The following TMEM232 variants were observed in gnomAD, a reference collection of about 807,000 sequenced individuals.
TMEM232 encodes transmembrane protein 232.
In TMEM232, 80 loss-of-function variants were observed where a neutral mutation model predicts 78.8. That is an observed-to-expected ratio of 1.01 (90% confidence interval 0.85 to 1.22). The LOEUF (loss-of-function observed/expected upper bound fraction) is 1.22. TMEM232 is among the 50% of genes most tolerant of loss of function. The pLI is 0.00. For missense variants in TMEM232, 881 were observed against 742.2 expected (o/e 1.19, Z -2.17); for synonymous variants, 297 against 254.3 (o/e 1.17, Z -1.60).
At chr5:110,562,265 C>G (rs1409251858) in intron 11 of TMEM232, among the ~76,000 whole-genome samples, 1 of 152,088 alleles carries the variant, frequency 6.6e-6, no homozygotes, top group Non-Finnish European at 1.5e-5. Context: ...GTAATGCAAA[C>G]AAACCTTCCA....
At chr5:110,472,123 G>C (rs2149377036) in intron 12 of TMEM232, among the ~76,000 whole-genome samples, 1 of 151,994 alleles carries the variant, frequency 6.6e-6, no homozygotes, top group East Asian at 1.9e-4. Context: ...CTGATCTGCA[G>C]GAGATGTGAT....
chr5:110,412,678 C>A (rs1756043259), intron 2 of TMEM232, among the ~76,000 whole-genome samples: 1 of 151,932 alleles, frequency 6.6e-6, no homozygotes, highest in African/African-American at 2.4e-5. Context: ...TTTCAGACCC[C>A]TGACTTGGTT....
In TMEM232 at chr5:110,399,781, C is replaced by T. The variant is rs191907825; in HGVS notation, n.309-1927G>A. On this transcript the variant is annotated intron_variant and non_coding_transcript_variant, in intron 2 of 8. Transcript: ENST00000507188. ...GAAGTTCCTTTATGCAAGTTTAGAT[C>T]CAAGACAAATTCCCTGGTTGCCCTT... 1.3e-3 allele frequency among the ~76,000 whole-genome samples: 202 copies of T among 152,248 alleles called. 1 individual carries two copies. Among genetic ancestry groups the T allele is most frequent in the African/African-American group, 4.7e-3 (196 of 41,552 alleles).
At chr5:110,467,661 A>AAGAT (rs1281793984) in intron 12 of TMEM232, among the ~76,000 whole-genome samples, 1 of 152,250 alleles carries the variant, frequency 6.6e-6, no homozygotes, top group Non-Finnish European at 1.5e-5. Context: ...CTGAAAGTGA[A>AAGAT]AGATAAAAAT....
At chr5:110,545,526 A>G (rs1773664391) in intron 11 of TMEM232, among the ~76,000 whole-genome samples, 1 of 152,060 alleles carries the variant, frequency 6.6e-6, no homozygotes, top group African/African-American at 2.4e-5. Flanking sequence ...TTATCCAAAA[A>G]TACAGCTCAC....
At chr5:110,674,497 T>C (rs1791774028) in intron 1 of TMEM232, among the ~76,000 whole-genome samples, 1 of 152,226 alleles carries the variant, frequency 6.6e-6, no homozygotes, top group African/African-American at 2.4e-5. Context: ...AAGTATATTA[T>C]TTCTGAATAT....
intron 1 of TMEM232, among the ~76,000 whole-genome samples, chr5:110,679,124 T>C (rs1229316522): frequency 1.3e-5 from 2 of 152,146 alleles, no homozygotes; most frequent in Admixed American, 1.3e-4. Flanking sequence ...AAAGTGGCCA[T>C]ACCATGTTTT....
chr5:110,480,311 G>C (rs1763721172), intron 12 of TMEM232, among the ~76,000 whole-genome samples: 1 of 151,754 alleles, frequency 6.6e-6, no homozygotes, highest in Non-Finnish European at 1.5e-5. Flanking sequence ...TAGTTAAATG[G>C]TATATTTTCA....
intron 10 of TMEM232, among the ~76,000 whole-genome samples, 181 bp downstream of exon 10, chr5:110,604,928 C>A (rs1781356420): frequency 1.3e-5 from 2 of 152,080 alleles, no homozygotes; most frequent in African/African-American, 4.8e-5. Flanking sequence ...TGCACCGCAG[C>A]CTGGGTGACA....
intron 1 of TMEM232, among the ~76,000 whole-genome samples, chr5:110,695,856 C>G (rs1039717887): frequency 2.0e-5 from 3 of 152,104 alleles, no homozygotes; most frequent in East Asian, 1.9e-4. Context: ...GATTCACAGC[C>G]AAATTCTACC....
At chr5:110,677,900 G>T (rs774342685) in intron 1 of TMEM232, among the ~76,000 whole-genome samples, 1 of 152,124 alleles carries the variant, frequency 6.6e-6, no homozygotes, top group Non-Finnish European at 1.5e-5. Flanking sequence ...ACAGTGGAGA[G>T]ATACGTTAGT....
chr5:110,475,129 T>C (rs575165046), intron 12 of TMEM232, among the ~76,000 whole-genome samples: 44 of 152,082 alleles, frequency 2.9e-4, no homozygotes, highest in East Asian at 1.9e-3. Flanking sequence ...ATGGTATTAG[T>C]GTAAGGAAGT....
chr5:110,496,715 A>G (rs1765682835), intron 12 of TMEM232, among the ~76,000 whole-genome samples: 1 of 151,982 alleles, frequency 6.6e-6, no homozygotes, highest in Non-Finnish European at 1.5e-5. Flanking sequence ...GAAACAACAG[A>G]GTTAGGCTGA....
intron 13 of TMEM232, among the ~76,000 whole-genome samples, chr5:110,421,552 T>C (rs1756650661): frequency 1.3e-5 from 2 of 151,760 alleles, no homozygotes; most frequent in South Asian, 2.1e-4. Flanking sequence ...GTATGCAATA[T>C]TGGACATTCC....
At chr5:110,610,271 G>GAAGGA (rs1580352387) in intron 8 of TMEM232, among the ~76,000 whole-genome samples, 22 of 146,460 alleles carry the variant, frequency 1.5e-4, no homozygotes, top group African/African-American at 5.2e-4. Flanking sequence ...AGGGAGGAAG[G>GAAGGA]TGGGTGGGTG....
intron 12 of TMEM232, among the ~76,000 whole-genome samples, chr5:110,472,629 C>T (rs1039880647): frequency 8.6e-5 from 13 of 151,672 alleles, no homozygotes; most frequent in Admixed American, 6.6e-5. Flanking sequence ...ACCAAATAAA[C>T]ACAACAACAC....
At chr5:110,662,839 A>C (rs1421686667) in intron 2 of TMEM232, among the ~76,000 whole-genome samples, 6 of 152,190 alleles carry the variant, frequency 3.9e-5, no homozygotes, top group Non-Finnish European at 8.8e-5. Context: ...CACATAGATT[A>C]TAGACATGAA....
intron 2 of TMEM232, among the ~76,000 whole-genome samples, chr5:110,412,182 A>G (rs1238481850): frequency 6.6e-6 from 1 of 152,220 alleles, no homozygotes; most frequent in Non-Finnish European, 1.5e-5. Flanking sequence ...AAAAAGGAAT[A>G]TAATTTTAAC....
intron 10 of TMEM232, among the ~76,000 whole-genome samples, chr5:110,570,070 C>CAT (rs1378645276): frequency 6.6e-6 from 1 of 151,888 alleles, no homozygotes; most frequent in Admixed American, 6.6e-5. Context: ...AGGAGGAAGG[C>CAT]ATATATCCAG....
Sources: gnomAD v4.1 joint callset for allele counts (sites outside exome capture counted in the v4.1 genomes callset) on GRCh38, gnomAD v4.1.1 for gene constraint, MANE v1.5 for transcripts, NCBI Gene and HGNC (gene_info 2026-07-23, HGNC 2026-07-21) for gene names.